Variants in ATP8A1 observed in about 807,000 individuals in gnomAD.
The protein encoded by ATP8A1 is ATPase phospholipid transporting 8A1.
Under a neutral mutation model 177.7 loss-of-function variants are expected in ATP8A1, and 90 were observed. The ratio of observed to expected loss-of-function variants is 0.51; its 90% CI spans 0.43 to 0.60. The LOEUF is 0.60. Ranked by LOEUF, ATP8A1 falls within the 20% of genes least tolerant of loss-of-function variation. The pLI is 0.00. For synonymous variants in ATP8A1, 493 were observed against 485.9 expected, an observed-to-expected ratio of 1.01 and a Z score of -0.19; for missense variants, 1,072 against 1,392.8, an observed-to-expected ratio of 0.77 and a Z score of 3.67.
chr4:42,464,612 G>T, intron 27 of ATP8A1, 78 bp downstream of exon 27: 2 of 802,202 alleles, frequency 2.5e-6, no homozygotes, highest in African/African-American at 1.7e-5. Flanking sequence ...TTAAAACCAT[G>T]AGAAAACGTC....
In ATP8A1 at chr4:42,423,535, C is replaced by A; in HGVS notation, c.3212+82G>T. 4.4e-6 allele frequency: 4 copies of A among 916,494 alleles called. No individual in the cohort carries two copies. The South Asian group carries it at 5.7e-5, about 13-fold the overall frequency. 56.8% of individuals were successfully genotyped at this position (916,494 alleles called of 1,614,324 possible). ...GTCCCTATCCTGCAAGCTCTACATG[C>A]TTGAGTTGATGTTACCAAGAGAGAA... On this transcript the variant is annotated intron_variant, in intron 34 of 36. Transcript: ENST00000381668.
chr4:42,454,507 A>T (rs1339712265), intron 29 of ATP8A1, among the ~76,000 whole-genome samples: 1 of 152,232 alleles, frequency 6.6e-6, no homozygotes, highest in African/African-American at 2.4e-5. Context: ...CTAATATACA[A>T]ATGTTAGTTT....
At chr4:42,433,329 T>G in intron 33 of ATP8A1, among the ~76,000 whole-genome samples, 1 of 152,192 alleles carries the variant, frequency 6.6e-6, no homozygotes. Context: ...GCTAGCGTCT[T>G]ACATCCTAAT....
intron 1 of ATP8A1, among the ~76,000 whole-genome samples, chr4:42,647,918 G>T (rs3101246): frequency 0.61 from 93,410 of 151,972 alleles, 29,880 homozygotes; most frequent in African/African-American, 0.76. Flanking sequence ...AAAACCAACA[G>T]ATACCTGGTC....
At chr4:42,646,031 T>G (rs2109565162) in intron 1 of ATP8A1, among the ~76,000 whole-genome samples, 1 of 151,990 alleles carries the variant, frequency 6.6e-6, no homozygotes, top group South Asian at 2.1e-4. Flanking sequence ...GAGCGACAGA[T>G]CCAGGACAAA....
Position 42,412,383 on chromosome 4 carries a change from T to C in ATP8A1, c.*533A>G, listed in dbSNP as rs1712719186. ...ACTAGAAAAACACTTACTGAACCTC[T>C]TTGGCAAACATTTATCAAGACAATT... On this transcript the variant is annotated 3_prime_UTR_variant, in exon 37 of 37. Coordinates refer to ENST00000381668, the MANE Select transcript of ATP8A1 (RefSeq NM_006095.2). 6.6e-6 allele frequency: 1 copy of C among 152,234 alleles called. No individual in the cohort carries two copies. The highest frequency in any genetic ancestry group is 2.1e-4 in the South Asian group (1 of 4,820). The allele number at this position is 152,234 out of a possible 1,614,324, so 9.4% of individuals were successfully genotyped here.
chr4:42,435,190 C>T (rs1005255189), intron 33 of ATP8A1, among the ~76,000 whole-genome samples: 28 of 152,078 alleles, frequency 1.8e-4, no homozygotes, highest in African/African-American at 6.8e-4. Context: ...CTTTGGGAGG[C>T]CAAGATGGGT....
chr4:42,648,416 A>G (rs1740764937), intron 1 of ATP8A1, among the ~76,000 whole-genome samples: 2 of 152,124 alleles, frequency 1.3e-5, no homozygotes, highest in African/African-American at 2.4e-5. Flanking sequence ...AAACTCAAAT[A>G]TATACATACG....
chr4:42,431,014 A>G (rs1231171597), intron 33 of ATP8A1, among the ~76,000 whole-genome samples: 1 of 152,134 alleles, frequency 6.6e-6, no homozygotes, highest in East Asian at 1.9e-4. Flanking sequence ...CTGCTGTATA[A>G]TAGACTTATG....
chr4:42,424,494 T>C, intron 33 of ATP8A1, among the ~76,000 whole-genome samples: 1 of 152,150 alleles, frequency 6.6e-6, no homozygotes, highest in East Asian at 1.9e-4. Flanking sequence ...ATTGTTCTAA[T>C]TCCATTAAAA....
chr4:42,455,354 C>T lies in ATP8A1; in HGVS notation c.2760G>A (p.Met920Ile). 1 of 1,613,932 alleles carries T rather than the reference C, an allele frequency of 6.2e-7. No homozygotes were observed. Among genetic ancestry groups the T allele is most frequent in the Non-Finnish European group, 8.5e-7 (1 of 1,179,826 alleles). Residue 920 changes from methionine (M) to isoleucine (I), a missense_variant, in exon 29 of 37, where the codon ATG (methionine) becomes ATA (isoleucine). Transcript: ENST00000381668. Reference sequence around the variant, plus strand: ...TTTTGTATAATTCAGGGTACTTCAACATGTTCTCTTTTCTGCATGATCTCT... The same window carrying T: ...TTTTGTATAATTCAGGGTACTTCAATATGTTCTCTTTTCTGCATGATCTCT... Reference protein sequence around the residue: ...IFERSCRKENMLKYPELYKTS... With the variant: ...IFERSCRKENILKYPELYKTS...
At chr4:42,479,481 A>G (rs895109759) in intron 25 of ATP8A1, among the ~76,000 whole-genome samples, 4 of 152,230 alleles carry the variant, frequency 2.6e-5, no homozygotes, top group African/African-American at 9.6e-5. Flanking sequence ...TGAGGTCAGT[A>G]GGCTGACAGG....
At position 42,522,136 on chromosome 4, in the gene ATP8A1, T is replaced by C. The variant is rs753741573; in HGVS notation, c.1947+24A>G. On this transcript the variant is annotated intron_variant, in intron 22 of 36. Transcript: ENST00000381668. ...CTATCTGGAAACCAAACCCTCTGTA[T>C]GATCAACAGAATCATCCACGTACCT... is the stretch of plus-strand genomic sequence containing the variant. The C allele has an allele frequency of 4.4e-6, 7 of 1,588,354 alleles. No individual in the cohort carries two copies. In the South Asian group the frequency reaches 8.1e-5, roughly 18 times the overall value.
intron 9 of ATP8A1, among the ~76,000 whole-genome samples, chr4:42,585,254 T>C (rs1733502373): frequency 6.6e-6 from 1 of 152,082 alleles, no homozygotes; most frequent in Non-Finnish European, 1.5e-5. Context: ...TTCCTTATTC[T>C]GTGCTATTTG....
rs142729708 is a variant in ATP8A1 at position 42,483,740 on chromosome 4, T to G, written c.2324+1756A>C. 5.9e-3 allele frequency among the ~76,000 whole-genome samples: 895 copies of G among 152,314 alleles called. 9 individuals carry two copies. Among genetic ancestry groups the G allele is most frequent in the African/African-American group, 0.02 (840 of 41,576 alleles). On this transcript the variant is annotated intron_variant, in intron 25 of 36. Coordinates refer to ENST00000381668, the MANE Select transcript of ATP8A1 (RefSeq NM_006095.2). The stretch of plus-strand genomic sequence containing the variant: ...CTTTTTGAAGAATGGTGGGAGGTAC[T>G]GTGTTAAGCAATGCTTTAAGAATGA...
At chr4:42,611,885 T>G (rs969878868) in intron 5 of ATP8A1, among the ~76,000 whole-genome samples, 1 of 152,210 alleles carries the variant, frequency 6.6e-6, no homozygotes, top group Admixed American at 6.5e-5. Context: ...AGATGGCCTC[T>G]TGTGTGTGTA....
intron 23 of ATP8A1, among the ~76,000 whole-genome samples, chr4:42,504,215 C>T (rs1006492505): frequency 6.6e-6 from 1 of 152,182 alleles, no homozygotes; most frequent in Non-Finnish European, 1.5e-5. Flanking sequence ...CATTTTGAAA[C>T]TCCTATGTTC....
At chr4:42,636,404 G>A (rs1007480792) in intron 1 of ATP8A1, among the ~76,000 whole-genome samples, 2 of 95,712 alleles carry the variant, frequency 2.1e-5, no homozygotes, top group Non-Finnish European at 5.4e-5. Context: ...AGACGGGTAG[G>A]GGGAGAGAGA....
At chr4:42,601,872 A>G (rs1400642436) in intron 5 of ATP8A1, among the ~76,000 whole-genome samples, 1 of 151,788 alleles carries the variant, frequency 6.6e-6, no homozygotes, top group Admixed American at 6.6e-5. Context: ...AATGTTAAAC[A>G]GCAAATTTAA....
Sources: allele counts gnomAD v4.1 joint callset (sites outside exome capture counted in the v4.1 genomes callset), GRCh38; gene constraint gnomAD v4.1.1; transcripts MANE v1.5; gene names NCBI Gene and HGNC (gene_info 2026-07-23, HGNC 2026-07-21).